Variants in PARVA observed in about 807,000 individuals in gnomAD.
PARVA encodes alpha-parvin.
A neutral mutation model predicts 52.6 loss-of-function variants in PARVA; 25 were observed. That is an observed-to-expected ratio of 0.48 (90% CI 0.35 to 0.66). PARVA has a LOEUF of 0.66. Among genes scored for constraint, PARVA ranks in the 30% least tolerant of loss-of-function variants. The probability of loss-of-function intolerance (pLI) is 0.01; values close to 1 mark genes in which losing one functional copy is unlikely to be tolerated. For synonymous variants in PARVA, 185 were observed against 179.1 expected (o/e 1.03, Z -0.26); for missense variants, 373 against 450.9 (o/e 0.83, Z 1.56).
At chr11:12,443,157 G>A (rs1450952721) in intron 1 of PARVA, among the ~76,000 whole-genome samples, 4 of 134,164 alleles carry the variant, frequency 3.0e-5, no homozygotes, top group Non-Finnish European at 6.4e-5. Flanking sequence ...CACCATGCCC[G>A]GCGCCCCCCT....
intron 1 of PARVA, among the ~76,000 whole-genome samples, chr11:12,464,183 A>C (rs2135026710): frequency 6.6e-6 from 1 of 152,296 alleles, no homozygotes; most frequent in Non-Finnish European, 1.5e-5. Flanking sequence ...CAGTTAACAC[A>C]GTAAGGAAAT....
intron 1 of PARVA, among the ~76,000 whole-genome samples, chr11:12,390,636 A>G (rs1939645851): frequency 6.6e-6 from 1 of 152,146 alleles, no homozygotes; most frequent in Non-Finnish European, 1.5e-5. Context: ...GTCGGTGGGG[A>G]GGCTCACAAA....
chr11:12,391,784 C>T (rs1030474294), intron 1 of PARVA, among the ~76,000 whole-genome samples: 2 of 152,210 alleles, frequency 1.3e-5, no homozygotes, highest in African/African-American at 4.8e-5. Flanking sequence ...TGGGAACGTG[C>T]TCTGCCTTCT....
intron 1 of PARVA, among the ~76,000 whole-genome samples, chr11:12,388,771 TG>T (rs1469534578): frequency 1.3e-5 from 2 of 152,096 alleles, no homozygotes; most frequent in African/African-American, 4.8e-5. Flanking sequence ...TTTATTATAA[TG>T]TAAATATTTT....
At chr11:12,381,791 TTGTC>T (rs1314911500) in intron 1 of PARVA, among the ~76,000 whole-genome samples, 4 of 152,204 alleles carry the variant, frequency 2.6e-5, no homozygotes, top group African/African-American at 4.8e-5. Flanking sequence ...TAAGTTTACA[TTGTC>T]TGACTGAAAT....
At chr11:12,500,516 G>A (rs752665245) in intron 5 of PARVA, among the ~76,000 whole-genome samples, 5 of 152,330 alleles carry the variant, frequency 3.3e-5, no homozygotes, top group South Asian at 2.1e-4. Flanking sequence ...AAGGCTGGGC[G>A]CTGTGGCTCA....
intron 12 of PARVA, among the ~76,000 whole-genome samples, chr11:12,518,739 T>A (rs76222844): frequency 0.023 from 3,428 of 152,162 alleles, 120 homozygotes; most frequent in African/African-American, 0.077. Flanking sequence ...ATGCGTGGGA[T>A]CGCGGGGATC....
intron 1 of PARVA, among the ~76,000 whole-genome samples, chr11:12,460,774 A>G (rs1319216069): frequency 6.6e-6 from 1 of 152,228 alleles, no homozygotes; most frequent in Non-Finnish European, 1.5e-5. Flanking sequence ...GGATATAGAC[A>G]TGAAGGTCAA....
intron 4 of PARVA, among the ~76,000 whole-genome samples, chr11:12,483,749 G>T (rs2135047581): frequency 6.6e-6 from 1 of 152,230 alleles, no homozygotes; most frequent in Non-Finnish European, 1.5e-5. Context: ...CCCGCTGTGG[G>T]GACACTGGCC....
At chr11:12,498,609 C>G (rs1215551987) in intron 5 of PARVA, among the ~76,000 whole-genome samples, 3 of 125,826 alleles carry the variant, frequency 2.4e-5, no homozygotes, top group African/African-American at 9.1e-5. Context: ...GAGTCTCGCT[C>G]TGTTGCCCAG....
At chr11:12,505,433 G>T (rs1157680186) in intron 6 of PARVA, among the ~76,000 whole-genome samples, 1 of 152,166 alleles carries the variant, frequency 6.6e-6, no homozygotes, top group Non-Finnish European at 1.5e-5. Flanking sequence ...ACAAGGAAAT[G>T]GTCCTCCTAA....
intron 4 of PARVA, among the ~76,000 whole-genome samples, chr11:12,485,544 T>G (rs1941146763): frequency 6.6e-6 from 1 of 152,190 alleles, no homozygotes; most frequent in African/African-American, 2.4e-5. Context: ...TGGCCAAAGC[T>G]GGAATTATTT....
At chr11:12,425,366 A>G (rs1940216345) in intron 1 of PARVA, among the ~76,000 whole-genome samples, 1 of 152,274 alleles carries the variant, frequency 6.6e-6, no homozygotes, top group Middle Eastern at 3.4e-3. Flanking sequence ...TCACCTCTTC[A>G]TTGGATTCCT....
intron 1 of PARVA, among the ~76,000 whole-genome samples, chr11:12,406,135 T>C (rs1939902427): frequency 6.6e-6 from 1 of 152,182 alleles, no homozygotes; most frequent in African/African-American, 2.4e-5. Context: ...CAAACACACA[T>C]TGATTTTAAG....
At position 12,492,447 on chromosome 11, in the gene PARVA, T is replaced by G. The variant is rs989117810; in HGVS notation, c.401-4011T>G. ...ATAAAACTTCAGCAATAGAAAACTTTATGGAGCTAGCTGAAATTAGCCCAC... is the reference window on the plus strand; with the variant it reads ...ATAAAACTTCAGCAATAGAAAACTTGATGGAGCTAGCTGAAATTAGCCCAC... On this transcript the variant is annotated intron_variant, in intron 4 of 12. Coordinates refer to ENST00000334956, the MANE Select transcript of PARVA (RefSeq NM_018222.5). Among the ~76,000 whole-genome samples, 22 of 152,248 alleles carry G rather than the reference T, an allele frequency of 1.4e-4. 2 individuals are homozygous for G. The highest frequency in any genetic ancestry group is 1.2e-3 in the Admixed American group (18 of 15,282).
At chr11:12,415,095 TAAC>T (rs1473605693) in intron 1 of PARVA, among the ~76,000 whole-genome samples, 1 of 152,012 alleles carries the variant, frequency 6.6e-6, no homozygotes, top group East Asian at 1.9e-4. Flanking sequence ...AGTGATGTGT[TAAC>T]AACAGGAAAG....
At chr11:12,501,992 G>A (rs761953380) in intron 5 of PARVA, among the ~76,000 whole-genome samples, 34 of 152,270 alleles carry the variant, frequency 2.2e-4, no homozygotes, top group Non-Finnish European at 4.1e-4. Flanking sequence ...GTGGTGGGCC[G>A]GTAGTTCTGA....
At position 12,533,804 on chromosome 11, in the gene PARVA, T is replaced by TAGACTGAGG. The variant is rs1246540470; in HGVS notation, c.*5881_*5882insACTGAGGAG. Among the ~76,000 whole-genome samples, 1 of 99,796 alleles carries TAGACTGAGG rather than the reference T, an allele frequency of 1.0e-5. No homozygotes were observed. The highest frequency in any genetic ancestry group is 5.8e-5 in the African/African-American group (1 of 17,228). 65.5% of individuals were successfully genotyped at this position (99,796 alleles called of 152,430 possible). A position where few individuals can be genotyped will look rare whatever the true frequency, so the allele number is the denominator to read the frequency against. On this transcript the variant is annotated 3_prime_UTR_variant, in exon 13 of 13. Coordinates refer to ENST00000334956, the MANE Select transcript of PARVA (RefSeq NM_018222.5). ...TCATCCTCATGGTCATCACATTGAG[T>TAGACTGAGG]AGGCGGAGGAGGAGGAGGAGGAGGA... is the stretch of plus-strand genomic sequence containing the variant.
intron 9 of PARVA, 106 bp downstream of exon 9, chr11:12,513,466 C>A: frequency 2.1e-6 from 2 of 949,588 alleles, no homozygotes; most frequent in Non-Finnish European, 3.5e-6. Context: ...CTGGTGGCAT[C>A]ACCTAACCTC....
Sources: allele counts gnomAD v4.1 joint callset (sites outside exome capture counted in the v4.1 genomes callset), GRCh38; gene constraint gnomAD v4.1.1; transcripts MANE v1.5; gene names NCBI Gene and HGNC (gene_info 2026-07-23, HGNC 2026-07-21).